The following ORC6 variants were observed in gnomAD, a reference collection of about 807,000 sequenced individuals.
ORC6 encodes the protein origin recognition complex subunit 6, also known as origin recognition complex, subunit 6 homolog-like (yeast).
In ORC6, 31 loss-of-function variants were observed where a neutral mutation model predicts 30.0. The ratio of observed to expected loss-of-function variants is 1.03; its 90% CI spans 0.78 to 1.40. The LOEUF is 1.40. Ranked by LOEUF, ORC6 falls within the 40% of genes most tolerant of loss-of-function variation. ORC6 has a pLI of 0.00. For missense variants in ORC6, 340 were observed against 304.3 expected (o/e 1.12, Z -0.87); for synonymous variants, 136 against 111.2 (o/e 1.22, Z -1.40).
chr16:46,697,582 G>C lies in ORC6; in HGVS notation c.756G>C (p.Glu252Asp). 1 of 1,614,108 alleles carries C rather than the reference G, an allele frequency of 6.2e-7. No homozygotes were observed. The highest frequency in any genetic ancestry group is 8.5e-7 in the Non-Finnish European group (1 of 1,179,940). Residue 252 changes from glutamate (E) to aspartate (D), a missense_variant, in exon 7 of 7, where the codon GAG (glutamate) becomes GAC (aspartate). Coordinates refer to ENST00000219097, the MANE Select transcript of ORC6 (RefSeq NM_014321.4). ...CCAGTGCTCAAAAGGCTACAGCAGAGTGATTTCAGCTTCCAAACTGGTATA... is the reference window on the plus strand; with the variant it reads ...CCAGTGCTCAAAAGGCTACAGCAGACTGATTTCAGCTTCCAAACTGGTATA... ...NAASAQKATA[E>D]
chr16:46,695,713 TGTA>T (rs1439214908), intron 5 of ORC6, 39 bp downstream of exon 5: 17 of 1,319,350 alleles, frequency 1.3e-5, no homozygotes, highest in Middle Eastern at 1.8e-4. Flanking sequence ...CATTTGAAAA[TGTA>T]GTCCTTTTGC....
intron 2 of ORC6, among the ~76,000 whole-genome samples, chr16:46,691,340 G>A (rs1340124795): frequency 6.6e-6 from 1 of 151,988 alleles, no homozygotes; most frequent in Non-Finnish European, 1.5e-5. Context: ...CCTCTTTCTC[G>A]GCTAGAGGCC....
chr16:46,689,714 G>C lies in ORC6; in HGVS notation c.9G>C (p.Ser3=). The change falls in exon 1 of 7, where the codon TCG becomes TCC. Residue 3 remains serine, a synonymous_variant. Transcript: ENST00000219097. ...GCTTTAGTGCCGGCGCCATGGGGTC[G>C]GAGCTGATCGGGCGCCTAGCCCCGC... is the stretch of plus-strand genomic sequence containing the variant. MG[S]ELIGRLAPRL... 6.2e-7 allele frequency: 1 copy of C among 1,601,620 alleles called. No individual in the cohort carries two copies. The highest frequency in any genetic ancestry group is 8.5e-7 in the Non-Finnish European group (1 of 1,174,254).
chr16:46,693,279 G>A, intron 4 of ORC6, 97 bp downstream of exon 4: 1 of 779,752 alleles, frequency 1.3e-6, no homozygotes, highest in South Asian at 1.4e-5. Context: ...TCAATTCAGA[G>A]CATATTTTCC....
chr16:46,691,135 C>T lies in ORC6; in HGVS notation c.195+15C>T. 6.2e-7 allele frequency: 1 copy of T among 1,613,704 alleles called. No homozygotes were observed. The highest frequency in any genetic ancestry group is 1.1e-5 in the South Asian group (1 of 91,076). ...CCTTGGACAGGGTAAGTAGGTCCCA[C>T]CGAATGTCTGAATAATCCAGTGCAA... On this transcript the variant is annotated intron_variant, in intron 2 of 6. Transcript: ENST00000219097.
intron 1 of ORC6, 42 bp downstream of exon 1, chr16:46,689,812 G>C: frequency 1.3e-6 from 2 of 1,548,136 alleles, no homozygotes; most frequent in Non-Finnish European, 1.7e-6. Context: ...CTTCCGCCTC[G>C]CGGCCCTGGG....
intron 1 of ORC6, 120 bp downstream of exon 1, chr16:46,689,890 C>G: frequency 1.5e-6 from 2 of 1,362,846 alleles, no homozygotes; most frequent in South Asian, 1.5e-5. Flanking sequence ...GCGCTGGGGC[C>G]GGGCGGGGTT....
At position 46,698,183 on chromosome 16, in the gene ORC6, G is replaced by GGATAGATAGATAGATAGACA; in HGVS notation, c.*616_*617insCAGATAGATAGATAGATAGA. On this transcript the variant is annotated 3_prime_UTR_variant, in exon 7 of 7. Coordinates refer to ENST00000219097, the MANE Select transcript of ORC6 (RefSeq NM_014321.4). ...CTTATAGATAGATAGATAGATAGAT[G>GGATAGATAGATAGATAGACA]GATAGATAGATAGATAGATAGATAG... 1 of 430,176 alleles carries GGATAGATAGATAGATAGACA rather than the reference G, an allele frequency of 2.3e-6. No individual in the cohort carries two copies. The allele number at this position is 430,176 out of a possible 1,614,324, so 26.6% of individuals were successfully genotyped here.
At chr16:46,695,901 C>G (rs1271684974) in intron 5 of ORC6, 116 bp from the exon 6 acceptor site, 1 of 828,960 alleles carries the variant, frequency 1.2e-6, no homozygotes, top group Non-Finnish European at 2.1e-6. Flanking sequence ...AAGATCATTT[C>G]TCTTCTCCTC....
intron 6 of ORC6, 33 bp downstream of exon 6, chr16:46,696,118 A>G (rs769020095): frequency 2.3e-5 from 35 of 1,499,468 alleles, no homozygotes; most frequent in African/African-American, 8.3e-5. Context: ...TGACGTTGAC[A>G]TTTTATGCAG....
At chr16:46,691,189 A>C in intron 2 of ORC6, 69 bp downstream of exon 2, 1 of 1,469,232 alleles carries the variant, frequency 6.8e-7, no homozygotes, top group Non-Finnish European at 9.5e-7. Flanking sequence ...TTTTGGTTGA[A>C]CTAAACCCTA....
At chr16:46,692,114 TATATTA>T (rs1290020456) in intron 2 of ORC6, among the ~76,000 whole-genome samples, 2 of 152,152 alleles carry the variant, frequency 1.3e-5, no homozygotes, top group Non-Finnish European at 1.5e-5. Context: ...CTATTTTGAC[TATATTA>T]ATATTGTGTT....
In ORC6 at chr16:46,696,095, A is replaced by G. The variant is rs757650006; in HGVS notation, c.631+10A>G. The G allele has an allele frequency of 5.6e-6, 9 of 1,596,966 alleles. No homozygotes were observed. The highest frequency in any genetic ancestry group is 1.7e-5 in the Admixed American group (1 of 59,992). ...GAAGCCCCAGCAAAGGGTAAGTTTT[A>G]CTAACACGGTACTGACGTTGACATT... On this transcript the variant is annotated intron_variant, in intron 6 of 6. Transcript: ENST00000219097.
chr16:46,690,847 A>AT, intron 1 of ORC6, 144 bp from the exon 2 acceptor site: 1 of 790,008 alleles, frequency 1.3e-6, no homozygotes, highest in East Asian at 2.5e-5. Flanking sequence ...TCACCAGAGG[A>AT]TATGACCTTC....
Position 46,697,886 on chromosome 16 carries a change from G to T in ORC6, c.*301G>T. 2.1e-6 allele frequency: 1 copy of T among 473,384 alleles called. No individual in the cohort carries two copies. The highest frequency in any genetic ancestry group is 1.5e-5 in the South Asian group (1 of 64,626). The allele number at this position is 473,384 out of a possible 1,614,324, so 29.3% of individuals were successfully genotyped here. On this transcript the variant is annotated 3_prime_UTR_variant, in exon 7 of 7. Coordinates refer to ENST00000219097, the MANE Select transcript of ORC6 (RefSeq NM_014321.4). The stretch of plus-strand genomic sequence containing the variant: ...TCCCAGCACTTTGGGAGGCCAAGGT[G>T]GGTGGATCACCTGAGGTCAGGAGCT...
intron 1 of ORC6, among the ~76,000 whole-genome samples, chr16:46,690,320 A>G (rs1168164476): frequency 6.6e-6 from 1 of 152,264 alleles, no homozygotes; most frequent in Non-Finnish European, 1.5e-5. Flanking sequence ...CAGGGGCGAC[A>G]GCTCCTGTAA....
In ORC6 at chr16:46,693,201, A is replaced by C. The variant is rs372614341; in HGVS notation, c.449+19A>C. The C allele has an allele frequency of 2.2e-5, 35 of 1,555,912 alleles. No homozygotes were observed. Among genetic ancestry groups the C allele is most frequent in the Admixed American group, 3.3e-5 (2 of 59,952 alleles). ...CATGCAAGTAGGTATTTCATTAAAC[A>C]TTCAGAAAAGTTACCAATTTACAAG... is the stretch of plus-strand genomic sequence containing the variant. On this transcript the variant is annotated intron_variant, in intron 4 of 6. Transcript: ENST00000219097.
chr16:46,697,852 C>T lies in ORC6; in HGVS notation c.*267C>T, dbSNP rs766435275. On this transcript the variant is annotated 3_prime_UTR_variant, in exon 7 of 7. Transcript: ENST00000219097. ...ATTGGAGGCCGGGCGCAGTGGCTCACGCCTGTAATCCCAGCACTTTGGGAG... is the reference window on the plus strand; with the variant it reads ...ATTGGAGGCCGGGCGCAGTGGCTCATGCCTGTAATCCCAGCACTTTGGGAG... The T allele has an allele frequency of 4.7e-5, 24 of 513,468 alleles. No individual in the cohort carries two copies. The highest frequency in any genetic ancestry group is 3.1e-4 in the South Asian group (20 of 64,964). The allele number at this position is 513,468 out of a possible 1,614,324, so 31.8% of individuals were successfully genotyped here.
chr16:46,697,865 A>G lies in ORC6; in HGVS notation c.*280A>G, dbSNP rs1042697197. 2.0e-6 allele frequency: 1 copy of G among 492,354 alleles called. No homozygotes were observed. Among genetic ancestry groups the G allele is most frequent in the Admixed American group, 2.3e-5 (1 of 43,686 alleles). The allele number at this position is 492,354 out of a possible 1,614,324, so 30.5% of individuals were successfully genotyped here. ...CGCAGTGGCTCACGCCTGTAATCCC[A>G]GCACTTTGGGAGGCCAAGGTGGGTG... On this transcript the variant is annotated 3_prime_UTR_variant, in exon 7 of 7. Coordinates refer to ENST00000219097, the MANE Select transcript of ORC6 (RefSeq NM_014321.4).
Sources: gnomAD v4.1 joint callset for allele counts (sites outside exome capture counted in the v4.1 genomes callset) on GRCh38, gnomAD v4.1.1 for gene constraint, MANE v1.5 for transcripts, NCBI Gene and HGNC (gene_info 2026-07-23, HGNC 2026-07-21) for gene names.